FHIT: variants seen among roughly 807,000 people sequenced by gnomAD.
FHIT encodes the protein fragile histidine triad diadenosine triphosphatase, also known as bis(5'-adenosyl)-triphosphatase.
Under a neutral mutation model 17.9 loss-of-function variants are expected in FHIT, and 19 were observed. That is an observed-to-expected ratio of 1.06 (90% CI 0.74 to 1.56). The LOEUF (loss-of-function observed/expected upper bound fraction) is 1.56. FHIT is among the 40% of genes most tolerant of loss of function. FHIT has a pLI of 0.00. For synonymous variants in FHIT, 81 were observed against 69.7 expected (o/e 1.16, Z -0.81); for missense variants, 248 against 189.2 (o/e 1.31, Z -1.82).
intron 4 of FHIT, among the ~76,000 whole-genome samples, chr3:60,722,999 G>A (rs2041842637): frequency 6.6e-6 from 1 of 152,092 alleles, no homozygotes; most frequent in South Asian, 2.1e-4. Context: ...GGGATTACAG[G>A]CATGAACCAC....
At chr3:60,077,327 CAG>C (rs925647920) in intron 5 of FHIT, 2 of 151,920 alleles carry the variant, frequency 1.3e-5, no homozygotes, top group African/African-American at 4.8e-5. Flanking sequence ...CCTCTACTCA[CAG>C]AGAGGCTGAA....
intron 4 of FHIT, among the ~76,000 whole-genome samples, chr3:60,717,331 A>G (rs1553707048): frequency 1.3e-5 from 2 of 152,200 alleles, no homozygotes; most frequent in African/African-American, 4.8e-5. Flanking sequence ...TACTCTCACC[A>G]CAAAAATTTA....
At chr3:60,196,041 A>G (rs570669667) in intron 5 of FHIT, among the ~76,000 whole-genome samples, 5 of 152,262 alleles carry the variant, frequency 3.3e-5, no homozygotes, top group African/African-American at 1.2e-4. Context: ...TGTTTAAACG[A>G]AAAAAACTTG....
intron 1 of FHIT, among the ~76,000 whole-genome samples, chr3:61,218,165 GA>G (rs893228070): frequency 6.6e-6 from 1 of 152,164 alleles, no homozygotes; most frequent in African/African-American, 2.4e-5. Flanking sequence ...ACTGTCCAGG[GA>G]GTCAGTATAA....
At chr3:60,481,818 C>T (rs1022572676) in intron 5 of FHIT, among the ~76,000 whole-genome samples, 1 of 152,136 alleles carries the variant, frequency 6.6e-6, no homozygotes, top group Admixed American at 6.5e-5. Context: ...CAAATTCACA[C>T]ATAACAATAC....
At chr3:60,049,344 C>A (rs212050) in intron 5 of FHIT, among the ~76,000 whole-genome samples, 80,311 of 151,864 alleles carry the variant, frequency 0.53, 21,826 homozygotes, top group Middle Eastern at 0.63. Context: ...AAATACGGCT[C>A]ATGCAAGTGG....
At chr3:60,369,773 C>T (rs765226023) in intron 5 of FHIT, among the ~76,000 whole-genome samples, 1 of 152,122 alleles carries the variant, frequency 6.6e-6, no homozygotes, top group Non-Finnish European at 1.5e-5. Context: ...CCTTCAGTGC[C>T]TCTGTTAAGC....
At chr3:60,834,377 T>C (rs747169313) in intron 3 of FHIT, among the ~76,000 whole-genome samples, 6 of 152,234 alleles carry the variant, frequency 3.9e-5, no homozygotes, top group Non-Finnish European at 7.3e-5. Flanking sequence ...CATCTTTTCA[T>C]GTGCTTATTT....
chr3:60,815,198 C>A (rs1402167746), intron 4 of FHIT, among the ~76,000 whole-genome samples: 1 of 151,960 alleles, frequency 6.6e-6, no homozygotes, highest in East Asian at 1.9e-4. Flanking sequence ...AGGTTGTTTA[C>A]TCTGTTGACA....
chr3:60,609,473 G>T (rs1403724406), intron 4 of FHIT, among the ~76,000 whole-genome samples: 1 of 151,934 alleles, frequency 6.6e-6, no homozygotes, highest in Non-Finnish European at 1.5e-5. Flanking sequence ...TTACAGGTGT[G>T]TGCCACCACA....
At chr3:60,389,133 G>T (rs945400266) in intron 5 of FHIT, among the ~76,000 whole-genome samples, 1 of 152,146 alleles carries the variant, frequency 6.6e-6, no homozygotes, top group African/African-American at 2.4e-5. Context: ...CATATAAGTG[G>T]TTCACAAAAT....
At chr3:59,980,367 CA>C (rs1299469392) in intron 7 of FHIT, among the ~76,000 whole-genome samples, 1 of 152,190 alleles carries the variant, frequency 6.6e-6, no homozygotes, top group Non-Finnish European at 1.5e-5. Flanking sequence ...CTTCATACTT[CA>C]AAACTATGTA....
intron 5 of FHIT, among the ~76,000 whole-genome samples, chr3:60,238,659 C>A (rs200694094): frequency 6.6e-6 from 1 of 151,964 alleles, no homozygotes; most frequent in East Asian, 1.9e-4. Context: ...TTTTTCAAAC[C>A]CTTAGTGTAG....
chr3:60,616,722 C>T (rs1465910490), intron 4 of FHIT: 1 of 152,134 alleles, frequency 6.6e-6, no homozygotes, highest in African/African-American at 2.4e-5. Context: ...GACAGGAAAT[C>T]TCAATATTGT....
intron 5 of FHIT, among the ~76,000 whole-genome samples, chr3:60,393,441 G>GTA (rs1270047029): frequency 2.0e-5 from 3 of 149,466 alleles, no homozygotes; most frequent in Non-Finnish European, 4.4e-5. Flanking sequence ...TATAACTTAT[G>GTA]TATATAATTA....
At chr3:60,840,727 A>G (rs1226255772) in intron 3 of FHIT, among the ~76,000 whole-genome samples, 1 of 152,174 alleles carries the variant, frequency 6.6e-6, no homozygotes, top group Non-Finnish European at 1.5e-5. Context: ...ATTATGTGAC[A>G]AATTATATCT....
intron 5 of FHIT, among the ~76,000 whole-genome samples, chr3:60,310,888 C>T (rs146122666): frequency 8.9e-4 from 136 of 152,180 alleles, no homozygotes; most frequent in African/African-American, 3.0e-3. Context: ...CACTTTCTTG[C>T]TTGCTTTCTC....
rs550856428 is a variant in FHIT, at chr3:59,747,373, G to A, written c.*2212C>T. 3.0e-4 allele frequency among the ~76,000 whole-genome samples: 46 copies of A among 152,142 alleles called. 1 individual carries two copies. Among genetic ancestry groups the A allele is most frequent in the South Asian group, 1.2e-3 (6 of 4,820 alleles). ...CTTACATGGCAGCAGGCAAGACAGC[G>A]TATTCAGGGGAAATGTCCTTTATAA... On this transcript the variant is annotated 3_prime_UTR_variant, in exon 10 of 10. Transcript: ENST00000492590.
intron 4 of FHIT, among the ~76,000 whole-genome samples, chr3:60,568,231 G>C (rs1576895253): frequency 6.6e-6 from 1 of 152,094 alleles, no homozygotes; most frequent in East Asian, 1.9e-4. Context: ...TGATAGACTG[G>C]ATTAACAAAA....
Sources: allele counts gnomAD v4.1 joint callset (sites outside exome capture counted in the v4.1 genomes callset), GRCh38; gene constraint gnomAD v4.1.1; transcripts MANE v1.5; gene names NCBI Gene and HGNC (gene_info 2026-07-23, HGNC 2026-07-21).